Variants in PMF1 observed in about 807,000 individuals in gnomAD.
PMF1 encodes the protein polyamine modulated factor 1.
PMF1 carries 21 observed loss-of-function variants against 26.7 expected under a neutral mutation model. That is an observed-to-expected ratio of 0.79 (90% CI 0.56 to 1.13). PMF1 has a LOEUF of 1.13. Among genes scored for constraint, PMF1 ranks in the 50% most tolerant of loss-of-function variants. The pLI is 0.00. For synonymous variants in PMF1, 105 were observed against 101.0 expected (o/e 1.04, Z -0.24); for missense variants, 266 against 254.9 (o/e 1.04, Z -0.30).
intron 1 of PMF1, among the ~76,000 whole-genome samples, chr1:156,216,741 T>A (rs888486564): frequency 1.4e-5 from 2 of 147,562 alleles, no homozygotes; most frequent in Non-Finnish European, 2.9e-5. Flanking sequence ...ACTGGCTCCG[T>A]GCCGTGCGTG....
chr1:156,216,900 G>A (rs888675692), intron 1 of PMF1, among the ~76,000 whole-genome samples: 15 of 152,110 alleles, frequency 9.9e-5, no homozygotes, highest in Non-Finnish European at 1.8e-4. Flanking sequence ...ATACTATGCA[G>A]CCATAAAAAA....
At chr1:156,224,718 C>T (rs187861353) in intron 1 of PMF1, among the ~76,000 whole-genome samples, 1,986 of 151,522 alleles carry the variant, frequency 0.013, 18 homozygotes, top group Middle Eastern at 0.037. Flanking sequence ...GAGCCGAGAT[C>T]GCGCCACTGC....
intron 4 of PMF1, among the ~76,000 whole-genome samples, chr1:156,238,599 G>C (rs1246502740): frequency 6.6e-6 from 1 of 152,192 alleles, no homozygotes; most frequent in East Asian, 1.9e-4. Context: ...TCTACTTATA[G>C]CCACTTGACA....
chr1:156,216,521 C>T (rs924502845), intron 1 of PMF1, among the ~76,000 whole-genome samples: 18 of 152,140 alleles, frequency 1.2e-4, no homozygotes, highest in African/African-American at 4.1e-4. Flanking sequence ...TACCGGTGAC[C>T]CGGCTAGCCG....
At chr1:156,230,814 C>T (rs1465862719) in intron 1 of PMF1, among the ~76,000 whole-genome samples, 1 of 152,096 alleles carries the variant, frequency 6.6e-6, no homozygotes, top group Non-Finnish European at 1.5e-5. Flanking sequence ...AGACTCCCAG[C>T]ACTTTGGGAG....
intron 2 of PMF1, among the ~76,000 whole-genome samples, chr1:156,232,798 G>A (rs544183565): frequency 5.9e-5 from 9 of 151,416 alleles, no homozygotes; most frequent in Non-Finnish European, 1.2e-4. Context: ...GGGCTCAAGC[G>A]ATCCTCCCAC....
chr1:156,217,632 A>G (rs1208231056), intron 1 of PMF1, among the ~76,000 whole-genome samples: 1 of 151,546 alleles, frequency 6.6e-6, no homozygotes, highest in African/African-American at 2.4e-5. Context: ...AGGCTGAGGC[A>G]GGAGAATCAC....
At chr1:156,213,427 G>T (rs1416991239) in intron 1 of PMF1, among the ~76,000 whole-genome samples, 1 of 152,236 alleles carries the variant, frequency 6.6e-6, no homozygotes, top group Admixed American at 6.5e-5. Context: ...ATTTCAGGTG[G>T]TTGGGAGGAA....
chr1:156,218,405 C>T (rs1174649900), intron 1 of PMF1, among the ~76,000 whole-genome samples: 1 of 152,142 alleles, frequency 6.6e-6, no homozygotes. Flanking sequence ...TGCAGTTATG[C>T]CTGCAGACCC....
chr1:156,215,401 T>C (rs1417608987), intron 1 of PMF1, among the ~76,000 whole-genome samples: 3 of 152,152 alleles, frequency 2.0e-5, no homozygotes, highest in Middle Eastern at 3.2e-3. Context: ...TTGTAATCAC[T>C]TTTATGAACC....
chr1:156,217,345 T>C (rs539074922), intron 1 of PMF1, among the ~76,000 whole-genome samples: 110 of 152,222 alleles, frequency 7.2e-4, no homozygotes, highest in African/African-American at 2.5e-3. Context: ...AAATATGTTA[T>C]ATTTTTGTCT....
Position 156,236,455 on chromosome 1 carries a change from A to G in PMF1, c.536A>G (p.Gln179Arg), listed in dbSNP as rs773153057. 3.1e-6 allele frequency: 5 copies of G among 1,613,460 alleles called. No homozygotes were observed. Among genetic ancestry groups the G allele is most frequent in the Non-Finnish European group, 4.2e-6 (5 of 1,179,658 alleles). Residue 179 changes from glutamine (Q) to arginine (R), a missense_variant, in exon 4 of 5, where the codon CAG becomes CGG. Physicochemically the swap from Gln to Arg is conservative, Grantham distance 43. Coordinates refer to ENST00000368277, the MANE Select transcript of PMF1 (RefSeq NM_007221.4). Reference protein sequence around the residue: ...GRRQVEELQLQVQAQQQAWQA... With the variant: ...GRRQVEELQLRVQAQQQAWQA... ...AGGCAGGTGGAGGAGCTGCAGCTAC[A>G]GGTCCAGGCCCAGCAGCAGGCCTGG...
At chr1:156,229,350 C>A (rs761629874) in intron 1 of PMF1, among the ~76,000 whole-genome samples, 1 of 151,714 alleles carries the variant, frequency 6.6e-6, no homozygotes, top group Non-Finnish European at 1.5e-5. Context: ...GAAAAGAGAG[C>A]CCCGGTTTGC....
At chr1:156,233,438 G>A (rs943952303) in intron 2 of PMF1, among the ~76,000 whole-genome samples, 190 bp from the exon 3 acceptor site, 5 of 150,460 alleles carry the variant, frequency 3.3e-5, no homozygotes, top group East Asian at 2.0e-4. Context: ...GATTACAGGC[G>A]TGAACCACGA....
chr1:156,232,324 C>G lies in PMF1; in HGVS notation c.166C>G (p.Gln56Glu), dbSNP rs1386414799. The change falls in exon 2 of 5, where the codon CAG (glutamine) becomes GAG (glutamate). Residue 56 changes from glutamine to glutamate, a missense_variant. By Grantham distance (29) the Gln-to-Glu change is conservative. Coordinates refer to ENST00000368277, the MANE Select transcript of PMF1 (RefSeq NM_007221.4). ...LQKLVAAGSY[Q>E]RFTDCYKCFY... Reference sequence around the variant, plus strand: ...TGCTTCTCTCCTTCCCGCCAGCTACCAGAGATTCACTGACTGCTATAAGTG... The same window carrying G: ...TGCTTCTCTCCTTCCCGCCAGCTACGAGAGATTCACTGACTGCTATAAGTG... The G allele has an allele frequency of 6.2e-7, 1 of 1,613,852 alleles. No homozygotes were observed. The highest frequency in any genetic ancestry group is 8.5e-7 in the Non-Finnish European group (1 of 1,179,878).
Position 156,239,466 on chromosome 1 carries a change from G to T in PMF1, c.565-82G>T. ...CCATATTGTCCTGGGGGAAACCCCA[G>T]GCCTGGAGTCAGGGACAGTGGAGGG... On this transcript the variant is annotated intron_variant, in intron 4 of 4. Coordinates refer to ENST00000368277, the MANE Select transcript of PMF1 (RefSeq NM_007221.4). 3 of 1,118,510 alleles carry T rather than the reference G, an allele frequency of 2.7e-6. No homozygotes were observed. The Admixed American group carries it at 5.2e-5, about 19-fold the overall frequency. The allele number at this position is 1,118,510 out of a possible 1,614,324, so 69.3% of individuals were successfully genotyped here.
chr1:156,229,632 G>A (rs570558320), intron 1 of PMF1, among the ~76,000 whole-genome samples: 289 of 151,542 alleles, frequency 1.9e-3, no homozygotes, highest in South Asian at 4.2e-3. Flanking sequence ...GTGCAATGGC[G>A]TGATCTCAGC....
At position 156,239,790 on chromosome 1, in the gene PMF1, GT is replaced by G. The variant is rs935517203; in HGVS notation, c.*191del. 4.0e-5 allele frequency: 23 copies of G among 576,398 alleles called. No homozygotes were observed. Among genetic ancestry groups the G allele is most frequent in the African/African-American group, 7.5e-5 (4 of 53,252 alleles). The allele number at this position is 576,398 out of a possible 1,614,324, so 35.7% of individuals were successfully genotyped here. ...ACTGTGCCTTTGGGGCACCCTTGGG[GT>G]TGGACATACACCCCCTTTAGATTCC... On this transcript the variant is annotated 3_prime_UTR_variant, in exon 5 of 5. Transcript: ENST00000368277.
intron 1 of PMF1, among the ~76,000 whole-genome samples, chr1:156,219,230 G>A (rs2103082631): frequency 6.6e-6 from 1 of 152,066 alleles, no homozygotes; most frequent in South Asian, 2.1e-4. Context: ...AAGACCTTGG[G>A]GTCTTTTTTA....
Sources: allele counts gnomAD v4.1 joint callset (sites outside exome capture counted in the v4.1 genomes callset), GRCh38; gene constraint gnomAD v4.1.1; transcripts MANE v1.5; gene names NCBI Gene and HGNC (gene_info 2026-07-23, HGNC 2026-07-21).